SLIT3: variants seen among roughly 807,000 people sequenced by gnomAD.
SLIT3 encodes slit guidance ligand 3.
A neutral mutation model predicts 184.0 loss-of-function variants in SLIT3; 68 were observed. The ratio of observed to expected loss-of-function variants is 0.37; its 90% CI spans 0.30 to 0.45. The LOEUF (loss-of-function observed/expected upper bound fraction) is 0.45. SLIT3 is among the 20% of genes least tolerant of loss of function. The probability of loss-of-function intolerance (pLI) is 1.00; values close to 1 mark genes in which losing one functional copy is unlikely to be tolerated. For synonymous variants in SLIT3, 831 were observed against 828.6 expected (o/e 1.00, Z -0.05); for missense variants, 1,707 against 2,026.0 (o/e 0.84, Z 3.02).
At chr5:168,752,157 GCCTGAC>G (rs1754739421) in intron 18 of SLIT3, among the ~76,000 whole-genome samples, 1 of 152,170 alleles carries the variant, frequency 6.6e-6, no homozygotes. Context: ...CAGTCCTGCA[GCCTGAC>G]CCTGGCTTCC....
chr5:168,850,639 C>T lies in SLIT3; in HGVS notation c.486-5984G>A, dbSNP rs891423077. Among the ~76,000 whole-genome samples, 15 of 152,212 alleles carry T rather than the reference C, an allele frequency of 9.9e-5. No homozygotes were observed. In the East Asian group the frequency reaches 1.3e-3, roughly 14 times the overall value. On this transcript the variant is annotated intron_variant, in intron 5 of 35. Transcript: ENST00000519560. ...TCCTAGGTTAATTAAGCTCTCTGAT[C>T]GGAATAGCCTGCTTAGAACTTAGTT...
chr5:168,997,028 T>C (rs1490840555), intron 4 of SLIT3, among the ~76,000 whole-genome samples: 1 of 152,118 alleles, frequency 6.6e-6, no homozygotes, highest in Non-Finnish European at 1.5e-5. Flanking sequence ...TAGTGCACTC[T>C]CAAGAAATCA....
At chr5:169,202,198 C>T (rs1763922650) in intron 3 of SLIT3, among the ~76,000 whole-genome samples, 2 of 152,068 alleles carry the variant, frequency 1.3e-5, no homozygotes, top group South Asian at 4.2e-4. Context: ...TCCCACTGCA[C>T]TCCAGCCTAT....
chr5:169,060,779 G>A (rs1034783330), intron 4 of SLIT3, among the ~76,000 whole-genome samples: 4 of 152,210 alleles, frequency 2.6e-5, no homozygotes, highest in African/African-American at 7.2e-5. Flanking sequence ...GGGCTGAGTG[G>A]AGCAGTGTCC....
chr5:168,683,871 C>T (rs1761665500), intron 32 of SLIT3, 95 bp downstream of exon 32: 2 of 1,223,362 alleles, frequency 1.6e-6, no homozygotes, highest in South Asian at 2.4e-5. Context: ...GAAGGGACAC[C>T]CGAGTTCTCC....
At chr5:169,146,142 T>C (rs10059671) in intron 4 of SLIT3, among the ~76,000 whole-genome samples, 33,196 of 152,256 alleles carry the variant, frequency 0.22, 3,911 homozygotes, top group Middle Eastern at 0.35. Context: ...GTATTACGAA[T>C]ATCTCTCCAT....
intron 4 of SLIT3, among the ~76,000 whole-genome samples, chr5:169,186,593 G>T (rs911338792): frequency 6.6e-6 from 1 of 152,148 alleles, no homozygotes; most frequent in African/African-American, 2.4e-5. Flanking sequence ...TCAAACCCAG[G>T]TCTGTCTGGT....
intron 9 of SLIT3, among the ~76,000 whole-genome samples, chr5:168,801,706 T>C (rs1756772392): frequency 6.6e-6 from 1 of 152,186 alleles, no homozygotes; most frequent in African/African-American, 2.4e-5. Flanking sequence ...AATCAAAACC[T>C]GCTGGAAGCC....
At chr5:169,130,448 T>C (rs1280881910) in intron 4 of SLIT3, among the ~76,000 whole-genome samples, 1 of 152,144 alleles carries the variant, frequency 6.6e-6, no homozygotes, top group East Asian at 1.9e-4. Context: ...GGGACCCAGG[T>C]AAGTCACTTA....
At chr5:169,149,208 G>A (rs546669999) in intron 4 of SLIT3, among the ~76,000 whole-genome samples, 4 of 152,264 alleles carry the variant, frequency 2.6e-5, no homozygotes, top group South Asian at 2.1e-4. Flanking sequence ...AGGAAATGAC[G>A]CTAACAGATT....
At chr5:169,172,381 A>T (rs1343762531) in intron 4 of SLIT3, among the ~76,000 whole-genome samples, 1 of 152,218 alleles carries the variant, frequency 6.6e-6, no homozygotes, top group Non-Finnish European at 1.5e-5. Context: ...ATAAAGCTCA[A>T]GTCCCACCAA....
At chr5:169,002,404 T>C (rs1170296029) in intron 4 of SLIT3, among the ~76,000 whole-genome samples, 2 of 126,342 alleles carry the variant, frequency 1.6e-5, no homozygotes, top group Non-Finnish European at 3.2e-5. Flanking sequence ...ATGGGGCAGA[T>C]GGGGAGATTT....
At chr5:168,925,818 A>C (rs905574713) in intron 4 of SLIT3, among the ~76,000 whole-genome samples, 1 of 152,170 alleles carries the variant, frequency 6.6e-6, no homozygotes, top group Non-Finnish European at 1.5e-5. Flanking sequence ...TTATATTTAA[A>C]GGCAGTAACA....
At chr5:168,871,959 C>A (rs901275386) in intron 5 of SLIT3, among the ~76,000 whole-genome samples, 1 of 152,180 alleles carries the variant, frequency 6.6e-6, no homozygotes, top group Non-Finnish European at 1.5e-5. Flanking sequence ...TGGGGAAGCA[C>A]AGCTACGGGA....
intron 32 of SLIT3, among the ~76,000 whole-genome samples, chr5:168,675,562 G>A (rs1285302264): frequency 6.6e-6 from 1 of 152,162 alleles, no homozygotes. Context: ...GAGAGGGTAC[G>A]TGAAAGTGCT....
At chr5:169,244,873 C>T (rs535689655) in intron 2 of SLIT3, 97 bp from the exon 3 acceptor site, 31 of 1,016,522 alleles carry the variant, frequency 3.0e-5, no homozygotes, top group Non-Finnish European at 4.5e-5. Flanking sequence ...CTCAGCCCTT[C>T]CCATGATCGT....
intron 3 of SLIT3, among the ~76,000 whole-genome samples, chr5:169,223,851 C>T (rs769937662): frequency 2.6e-5 from 4 of 152,088 alleles, no homozygotes; most frequent in Admixed American, 6.6e-5. Flanking sequence ...ATCTGTCTTC[C>T]GGACCATCTG....
At chr5:169,134,390 A>G (rs1421765) in intron 4 of SLIT3, among the ~76,000 whole-genome samples, 105,244 of 152,036 alleles carry the variant, frequency 0.69, 37,519 homozygotes, top group African/African-American at 0.85. Context: ...TCTTGGACCC[A>G]AGGTCTTCAT....
chr5:169,018,092 C>T (rs11950640), intron 4 of SLIT3, among the ~76,000 whole-genome samples: 16,917 of 152,224 alleles, frequency 0.11, 2,519 homozygotes, highest in African/African-American at 0.34. Context: ...CTGCAACATT[C>T]ATACTGTCTG....
Sources: allele counts gnomAD v4.1 joint callset (sites outside exome capture counted in the v4.1 genomes callset), GRCh38; gene constraint gnomAD v4.1.1; transcripts MANE v1.5; gene names NCBI Gene and HGNC (gene_info 2026-07-23, HGNC 2026-07-21).